The following NDRG4 variants were observed in gnomAD, a reference collection of about 807,000 sequenced individuals.
The protein encoded by NDRG4 is NDRG family member 4, also known as protein NDRG4.
In NDRG4, 38 loss-of-function variants were observed where a neutral mutation model predicts 55.8. The ratio of observed to expected loss-of-function variants is 0.68; its 90% CI spans 0.53 to 0.89. The LOEUF is 0.89. NDRG4 is among the 40% of genes least tolerant of loss of function. The probability of loss-of-function intolerance (pLI) is 0.00; values close to 1 mark genes in which losing one functional copy is unlikely to be tolerated. For missense variants in NDRG4, 455 were observed against 468.6 expected, an observed-to-expected ratio of 0.97 and a Z score of 0.27; for synonymous variants, 190 against 182.7, an observed-to-expected ratio of 1.04 and a Z score of -0.32.
At chr16:58,481,008 TAA>T (rs75802479) in intron 1 of NDRG4, among the ~76,000 whole-genome samples, 35 of 132,004 alleles carry the variant, frequency 2.7e-4, no homozygotes, top group Non-Finnish European at 2.5e-4. Context: ...GACTCTGTCT[TAA>T]AAAAAAAAAA....
At chr16:58,482,748 C>T (rs981983974) in intron 1 of NDRG4, among the ~76,000 whole-genome samples, 1 of 145,212 alleles carries the variant, frequency 6.9e-6, no homozygotes, top group Non-Finnish European at 1.5e-5. Context: ...TTCCTCCCTC[C>T]CTTCCTTCTT....
In NDRG4 at chr16:58,511,814, C is replaced by G; in HGVS notation, c.*238C>G. ...ACTTAGCCAACTTGACCCCTCTCATCCCACTCCCGGCGGCCCAGGCACAGA... is the reference window on the plus strand; with the variant it reads ...ACTTAGCCAACTTGACCCCTCTCATGCCACTCCCGGCGGCCCAGGCACAGA... On this transcript the variant is annotated 3_prime_UTR_variant, in exon 15 of 15. Transcript: ENST00000570248. The G allele has an allele frequency of 3.4e-6, 2 of 586,940 alleles. No homozygotes were observed. The highest frequency in any genetic ancestry group is 6.2e-6 in the Non-Finnish European group (2 of 320,758). 36.4% of individuals were successfully genotyped at this position (586,940 alleles called of 1,614,324 possible).
chr16:58,481,895 G>C (rs1213250736), intron 1 of NDRG4, among the ~76,000 whole-genome samples: 3 of 152,180 alleles, frequency 2.0e-5, no homozygotes, highest in African/African-American at 7.2e-5. Context: ...GACAGTTCCA[G>C]ACCCCCTATA....
At chr16:58,474,504 G>A (rs1212807362) in intron 1 of NDRG4, among the ~76,000 whole-genome samples, 1 of 152,066 alleles carries the variant, frequency 6.6e-6, no homozygotes, top group Non-Finnish European at 1.5e-5. Flanking sequence ...TTCTCAGCAG[G>A]TGGCTTCTCA....
At position 58,511,812 on chromosome 16, in the gene NDRG4, A is replaced by G; in HGVS notation, c.*236A>G. 3.4e-6 allele frequency: 2 copies of G among 591,162 alleles called. No individual in the cohort carries two copies. The highest frequency in any genetic ancestry group is 6.2e-6 in the Non-Finnish European group (2 of 323,544). 36.6% of individuals were successfully genotyped at this position (591,162 alleles called of 1,614,324 possible). ...TAACTTAGCCAACTTGACCCCTCTC[A>G]TCCCACTCCCGGCGGCCCAGGCACA... On this transcript the variant is annotated 3_prime_UTR_variant, in exon 15 of 15. Coordinates refer to ENST00000570248, the MANE Select transcript of NDRG4 (RefSeq NM_001242835.2).
At chr16:58,484,992 C>T (rs2034920868) in intron 1 of NDRG4, among the ~76,000 whole-genome samples, 1 of 151,810 alleles carries the variant, frequency 6.6e-6, no homozygotes. Context: ...CGCCATTCTC[C>T]TGCCTCAGCC....
At chr16:58,493,466 G>C (rs545349700) in intron 2 of NDRG4, among the ~76,000 whole-genome samples, 101 of 152,138 alleles carry the variant, frequency 6.6e-4, no homozygotes, top group Non-Finnish European at 1.3e-3. Flanking sequence ...ACACGGTTTT[G>C]ACACGTTGGC....
intron 1 of NDRG4, chr16:58,501,783 C>G (rs184493010): frequency 2.9e-6 from 1 of 343,304 alleles, no homozygotes; most frequent in Admixed American, 3.6e-5. Flanking sequence ...ACAGGGGCGG[C>G]CACACCAGGG....
intron 10 of NDRG4, 42 bp from the exon 11 acceptor site, chr16:58,508,920 G>T: frequency 6.2e-7 from 1 of 1,607,126 alleles, no homozygotes; most frequent in African/African-American, 1.3e-5. Context: ...TGGGGGTGGG[G>T]AGGGGCAGGG....
chr16:58,493,892 C>A (rs933837976), intron 2 of NDRG4, among the ~76,000 whole-genome samples: 8 of 152,234 alleles, frequency 5.3e-5, no homozygotes, highest in Non-Finnish European at 1.0e-4. Context: ...GATGGGGAGA[C>A]GGGGACCCAG....
intron 1 of NDRG4, among the ~76,000 whole-genome samples, chr16:58,484,356 GA>G (rs1478093653): frequency 6.6e-6 from 1 of 152,136 alleles, no homozygotes; most frequent in Non-Finnish European, 1.5e-5. Context: ...CTGGGCGACA[GA>G]GTAAGAATCC....
At chr16:58,481,385 G>A (rs1340636099) in intron 1 of NDRG4, among the ~76,000 whole-genome samples, 3 of 152,138 alleles carry the variant, frequency 2.0e-5, no homozygotes, top group Admixed American at 6.6e-5. Context: ...GAGTCAGCCC[G>A]GGTCTTTAGC....
intron 13 of NDRG4, among the ~76,000 whole-genome samples, chr16:58,510,287 G>A (rs1000916302): frequency 2.0e-5 from 3 of 152,254 alleles, no homozygotes; most frequent in East Asian, 1.9e-4. Context: ...GCTGAGACGC[G>A]TTCTCAGGGT....
At chr16:58,472,428 G>A (rs975448588) in intron 1 of NDRG4, 1 of 152,310 alleles carries the variant, frequency 6.6e-6, no homozygotes, top group Non-Finnish European at 1.5e-5. Flanking sequence ...GTTGCCATTC[G>A]AGTGTGGTGG....
Position 58,506,892 on chromosome 16 carries a change from A to C in NDRG4, c.517-20A>C. 1 of 1,607,646 alleles carries C rather than the reference A, an allele frequency of 6.2e-7. No individual in the cohort carries two copies. The highest frequency in any genetic ancestry group is 8.5e-7 in the Non-Finnish European group (1 of 1,174,660). ...TCTGTCTGCCCCTCTGCATGCCTCC[A>C]TCCATCTCCCTGGGCCTAGGAGGAG... is the stretch of plus-strand genomic sequence containing the variant. On this transcript the variant is annotated intron_variant, in intron 7 of 14. Transcript: ENST00000570248.
At chr16:58,492,163 C>A (rs1337055709) in intron 2 of NDRG4, among the ~76,000 whole-genome samples, 2 of 152,190 alleles carry the variant, frequency 1.3e-5, no homozygotes, top group Admixed American at 1.3e-4. Context: ...TTCCACACAT[C>A]TACTCACAGC....
upstream of NDRG4, chr16:58,499,786 G>A (rs143170119): frequency 1.8e-4 from 52 of 294,142 alleles, no homozygotes; most frequent in East Asian, 5.1e-3. Context: ...AGCTGTGCAT[G>A]TCTGTGACGA....
At chr16:58,514,215 CCTAAA>C (rs1192398683), downstream of NDRG4, among the ~76,000 whole-genome samples, 1 of 152,216 alleles carries the variant, frequency 6.6e-6, no homozygotes, top group East Asian at 1.9e-4. Context: ...CTATGTATAA[CCTAAA>C]CTAAAATACC....
chr16:58,501,050 A>C (rs1293970689), intron 1 of NDRG4: 1 of 1,238,478 alleles, frequency 8.1e-7, no homozygotes, highest in Non-Finnish European at 1.0e-6. Context: ...GGTGGAGCCC[A>C]GGGCACCTCC....
Sources: allele counts gnomAD v4.1 joint callset (sites outside exome capture counted in the v4.1 genomes callset), GRCh38; gene constraint gnomAD v4.1.1; transcripts MANE v1.5; gene names NCBI Gene and HGNC (gene_info 2026-07-23, HGNC 2026-07-21).